The following DMAP1 variants were observed in gnomAD, a reference collection of about 807,000 sequenced individuals.
DMAP1 encodes the protein DNA methyltransferase 1 associated protein 1, also known as DNA methyltransferase 1-associated protein 1.
DMAP1 carries 26 observed loss-of-function variants against 52.7 expected under a neutral mutation model. That is an observed-to-expected ratio of 0.49 (90% confidence interval 0.36 to 0.68). The LOEUF (loss-of-function observed/expected upper bound fraction) is 0.68. Ranked by LOEUF, DMAP1 falls within the 30% of genes least tolerant of loss-of-function variation. DMAP1 has a pLI of 0.00. For missense variants in DMAP1, 439 were observed against 625.2 expected (o/e 0.70, Z 3.18); for synonymous variants, 231 against 246.0 (o/e 0.94, Z 0.57).
chr1:44,219,908 G>A (rs779181470), intron 8 of DMAP1, 30 bp downstream of exon 8: 102 of 1,613,858 alleles, frequency 6.3e-5, no homozygotes, highest in Middle Eastern at 3.3e-4. Flanking sequence ...CCCATAGGGT[G>A]TACCCACCCG....
Position 44,219,103 on chromosome 1 carries a change from C to G in DMAP1, c.768C>G (p.Ala256=), listed in dbSNP as rs573609619. ...TACAGGAGCTGCGCAAGATTGAGGC[C>G]CGGAAGAAGGAGCGGGAGAAACGCA... is the stretch of plus-strand genomic sequence containing the variant. The part of the protein sequence containing the change: ...YLLQELRKIE[A]RKKEREKRSQ... Residue 256 remains alanine, a synonymous_variant, in exon 6 of 10, where the codon GCC becomes GCG. Coordinates refer to ENST00000372289, the MANE Select transcript of DMAP1 (RefSeq NM_019100.5). The G allele has an allele frequency of 3.3e-4, 534 of 1,613,998 alleles. No individual in the cohort carries two copies. Among genetic ancestry groups the G allele is most frequent in the Non-Finnish European group, 2.7e-4 (318 of 1,180,032 alleles).
In DMAP1 at chr1:44,219,197, G is replaced by GC; in HGVS notation, c.867dup (p.Lys290GlnfsTer11). ...AGAGCAGCGGCGCACGGAACGCAAG[G>GC]CCCCCAAAAAGAAGCTACCCCAGAA... On this transcript the variant is annotated frameshift_variant, in exon 6 of 10. Coordinates refer to ENST00000372289, the MANE Select transcript of DMAP1 (RefSeq NM_019100.5). LOFTEE classifies it high-confidence loss of function. The GC allele has an allele frequency of 6.2e-7, 1 of 1,613,814 alleles. No individual in the cohort carries two copies. Among genetic ancestry groups the GC allele is most frequent in the Non-Finnish European group, 8.5e-7 (1 of 1,179,940 alleles).
chr1:44,213,697 G>GTCCT lies in DMAP1; in HGVS notation c.-54_-51dup, dbSNP rs1466710313. 1 of 1,510,682 alleles carries GTCCT rather than the reference G, an allele frequency of 6.6e-7. No homozygotes were observed. The allele number at this position is 1,510,682 out of a possible 1,614,324, so 93.6% of individuals were successfully genotyped here. A position where few individuals can be genotyped will look rare whatever the true frequency, so the allele number is the denominator to read the frequency against. ...GGCCCCGCCCCCTGACCTGAGCCTGGTCCTTCTTCAGGCACTGACCCTTGA... is the reference window on the plus strand; with the variant it reads ...GGCCCCGCCCCCTGACCTGAGCCTGGTCCTTCCTTCTTCAGGCACTGACCCTTGA... On this transcript the variant is annotated 5_prime_UTR_variant, in exon 1 of 10. Coordinates refer to ENST00000372289, the MANE Select transcript of DMAP1 (RefSeq NM_019100.5). This position sits in a 1 kb window ranked among gnomAD's most constrained non-coding sequence, Gnocchi z 4.5.
In DMAP1 at chr1:44,220,668, G is replaced by C; in HGVS notation, c.*50G>C. On this transcript the variant is annotated 3_prime_UTR_variant, in exon 10 of 10. Transcript: ENST00000372289. ...GCTGTTATGTAAATAGAGCTGCTGA[G>C]TTGGACCAGGCTGCTTCCTTTTCCT... is the stretch of plus-strand genomic sequence containing the variant. 1 of 1,609,262 alleles carries C rather than the reference G, an allele frequency of 6.2e-7. No homozygotes were observed. Among genetic ancestry groups the C allele is most frequent in the Non-Finnish European group, 8.5e-7 (1 of 1,176,778 alleles).
rs761588961 is a variant in DMAP1, at chr1:44,214,783, G to A, written c.278G>A (p.Arg93Gln). 1.2e-6 allele frequency: 2 copies of A among 1,614,178 alleles called. No individual in the cohort carries two copies. Among genetic ancestry groups the A allele is most frequent in the Non-Finnish European group, 8.5e-7 (1 of 1,180,016 alleles). The stretch of plus-strand genomic sequence containing the variant: ...GCCAAGTTGGGCTCCAAGAAGGTGC[G>A]GCCTTGGAAGTGGATGCCATTCACC... ...VKAKLGSKKV[R>Q]PWKWMPFTNP... Residue 93 changes from arginine to glutamine, a missense_variant, in exon 3 of 10, where the codon CGG becomes CAG. Coordinates refer to ENST00000372289, the MANE Select transcript of DMAP1 (RefSeq NM_019100.5).
Position 44,213,544 on chromosome 1 carries a change from G to C in DMAP1, c.-210G>C. 1 of 523,204 alleles carries C rather than the reference G, an allele frequency of 1.9e-6. No individual in the cohort carries two copies. Among genetic ancestry groups the C allele is most frequent in the Non-Finnish European group, 3.4e-6 (1 of 291,508 alleles). 32.4% of individuals were successfully genotyped at this position (523,204 alleles called of 1,614,324 possible). On this transcript the variant is annotated 5_prime_UTR_variant, in exon 1 of 10. Coordinates refer to ENST00000372289, the MANE Select transcript of DMAP1 (RefSeq NM_019100.5). This position sits in a 1 kb window ranked among gnomAD's most constrained non-coding sequence, Gnocchi z 4.5. The stretch of plus-strand genomic sequence containing the variant: ...CGGACCCAGGTGCGGAAGTGCGAGG[G>C]CCCAGGTGGCTGAAGGGGCCGTTAG...
intron 6 of DMAP1, 32 bp downstream of exon 6, chr1:44,219,273 G>A (rs1363998190): frequency 6.2e-7 from 1 of 1,600,996 alleles, no homozygotes; most frequent in Non-Finnish European, 8.5e-7. Context: ...AGCTCAGGGT[G>A]GAAGGGTCAC....
chr1:44,218,395 C>G lies in DMAP1; in HGVS notation c.478C>G (p.Leu160Val). 1.9e-6 allele frequency: 3 copies of G among 1,614,248 alleles called. No individual in the cohort carries two copies. Among genetic ancestry groups the G allele is most frequent in the Non-Finnish European group, 2.5e-6 (3 of 1,180,042 alleles). Residue 160 changes from leucine to valine, a missense_variant, in exon 4 of 10, where the codon CTC (leucine) becomes GTC (valine). Leu to Val is a conservative substitution (Grantham distance 32). Transcript: ENST00000372289. The surrounding 1 kb of genome is among the most constrained non-coding windows in gnomAD (Gnocchi z 5.6). ...TTGGACTAAGGCAGAAACTGACCAC[C>G]TCTTTGACCTCAGCCGCCGCTTTGA... ...DAWTKAETDH[L>V]FDLSRRFDLR...
chr1:44,215,163 C>T (rs1182363536), intron 3 of DMAP1: 5 of 601,734 alleles, frequency 8.3e-6, no homozygotes, highest in East Asian at 3.6e-5. Flanking sequence ...GAGCTGTATC[C>T]TAGGTGCTCT....
At chr1:44,215,902 G>A (rs1198404364) in intron 3 of DMAP1, 2 of 153,874 alleles carry the variant, frequency 1.3e-5, no homozygotes, top group African/African-American at 2.4e-5. Flanking sequence ...ATTGTACAGT[G>A]TGGCCTCACA....
At chr1:44,219,698 T>C in intron 7 of DMAP1, 108 bp from the exon 8 acceptor site, 1 of 1,385,332 alleles carries the variant, frequency 7.2e-7, no homozygotes. Context: ...ATAGTTAACC[T>C]CCATGTGTTA....
intron 3 of DMAP1, 25 bp downstream of exon 3, chr1:44,214,923 G>A (rs908677834): frequency 3.1e-6 from 5 of 1,613,592 alleles, no homozygotes; most frequent in Non-Finnish European, 4.2e-6. Flanking sequence ...TTCGGACACA[G>A]GCCAAGATTG....
chr1:44,214,886 C>T lies in DMAP1; in HGVS notation c.381C>T (p.Ala127=). 6.2e-7 allele frequency: 1 copy of T among 1,614,158 alleles called. No individual in the cohort carries two copies. The highest frequency in any genetic ancestry group is 8.5e-7 in the Non-Finnish European group (1 of 1,180,008). ...AGGAGGGCAAGGACTACCCCTTTGC[C>T]AGGTTCAATAAGGTAAGCTACCTTC... The part of the protein sequence containing the change: ...AAEEGKDYPF[A]RFNKTVQVPV... The change falls in exon 3 of 10, where the codon GCC becomes GCT. Residue 127 remains alanine, a synonymous_variant. Coordinates refer to ENST00000372289, the MANE Select transcript of DMAP1 (RefSeq NM_019100.5).
intron 3 of DMAP1, chr1:44,217,861 C>A (rs1271359996): frequency 4.0e-6 from 1 of 250,002 alleles, no homozygotes; most frequent in Non-Finnish European, 8.1e-6. Context: ...GATGCCTGAC[C>A]TTGGCAAACT....
intron 3 of DMAP1, chr1:44,216,673 G>A (rs989774778): frequency 3.3e-5 from 5 of 152,270 alleles, no homozygotes; most frequent in Non-Finnish European, 5.9e-5. Context: ...TACCTAGGTA[G>A]AAGGAATGTG....
intron 8 of DMAP1, 39 bp downstream of exon 8, chr1:44,219,917 C>G: frequency 1.9e-6 from 3 of 1,613,630 alleles, no homozygotes; most frequent in Non-Finnish European, 2.5e-6. Context: ...TGTACCCACC[C>G]GAGGCTGTGG....
At chr1:44,217,142 G>A (rs1643810674) in intron 3 of DMAP1, 1 of 152,188 alleles carries the variant, frequency 6.6e-6, no homozygotes, top group Admixed American at 6.5e-5. Flanking sequence ...CTTCATATTA[G>A]ATTCAACAGC....
chr1:44,218,053 G>T lies in DMAP1; in HGVS notation c.394-258G>T. The stretch of plus-strand genomic sequence containing the variant: ...GCCCCTCACCTTAACTATGGGGGCA[G>T]GAGTGTGTGTCCCATGACTGAGGCT... On this transcript the variant is annotated intron_variant, in intron 3 of 9. Coordinates refer to ENST00000372289, the MANE Select transcript of DMAP1 (RefSeq NM_019100.5). This position sits in a 1 kb window ranked among gnomAD's most constrained non-coding sequence, Gnocchi z 5.6. 1.7e-6 allele frequency: 1 copy of T among 578,676 alleles called. No individual in the cohort carries two copies. Among genetic ancestry groups the T allele is most frequent in the Non-Finnish European group, 3.1e-6 (1 of 318,526 alleles). 35.8% of individuals were successfully genotyped at this position (578,676 alleles called of 1,614,324 possible).
chr1:44,214,266 G>C, intron 1 of DMAP1, 84 bp from the exon 2 acceptor site: 1 of 1,305,136 alleles, frequency 7.7e-7, no homozygotes, highest in Non-Finnish European at 1.1e-6. Context: ...TGTAGGTGCT[G>C]CTTTGTTCAG....
Sources: allele counts gnomAD v4.1 joint callset, GRCh38; gene constraint gnomAD v4.1.1; non-coding constraint Gnocchi (gnomAD v3.1); transcripts MANE v1.5; gene names NCBI Gene and HGNC (gene_info 2026-07-23, HGNC 2026-07-21).